Variants in CORIN observed in about 807,000 individuals in gnomAD.
CORIN encodes corin, serine peptidase.
In CORIN, 117 loss-of-function variants were observed where a neutral mutation model predicts 125.3. That is an observed-to-expected ratio of 0.93 (90% CI 0.80 to 1.09). CORIN has a LOEUF of 1.09. CORIN is among the 50% of genes least tolerant of loss of function. The pLI is 0.00. For missense variants in CORIN, 1,253 were observed against 1,306.7 expected (o/e 0.96, Z 0.63); for synonymous variants, 450 against 466.4 (o/e 0.96, Z 0.45).
At chr4:47,814,573 G>T (rs1274376112) in intron 1 of CORIN, among the ~76,000 whole-genome samples, 7 of 152,106 alleles carry the variant, frequency 4.6e-5, no homozygotes, top group Non-Finnish European at 1.0e-4. Flanking sequence ...TAATAATGTG[G>T]ATAGTTCTCA....
intron 17 of CORIN, among the ~76,000 whole-genome samples, chr4:47,624,879 G>GA (rs35400340): frequency 7.7e-4 from 114 of 147,974 alleles, no homozygotes; most frequent in African/African-American, 1.2e-3. Flanking sequence ...CTATCAGATT[G>GA]AAAAAAAAAA....
chr4:47,833,390 A>T (rs1000471319), intron 1 of CORIN, among the ~76,000 whole-genome samples: 1 of 152,156 alleles, frequency 6.6e-6, no homozygotes, highest in African/African-American at 2.4e-5. Context: ...CATGCACAAA[A>T]ATCAAGTTAA....
At chr4:47,596,351 G>C (rs1221857994) in intron 21 of CORIN, among the ~76,000 whole-genome samples, 1 of 152,130 alleles carries the variant, frequency 6.6e-6, no homozygotes, top group Non-Finnish European at 1.5e-5. Flanking sequence ...CTATTTTCAA[G>C]ATTCTTGCTT....
rs1213823256 is a variant in CORIN, at chr4:47,674,405, G to C, written c.1345C>G (p.Leu449Val). ...CTGTTGTACTTACTACAGTTATTCA[G>C]ACTGTTGTTCGGGTCACAGAGAGAG... is the stretch of plus-strand genomic sequence containing the variant. The part of the protein sequence containing the change: ...GSSLCDPNNS[L>V]NNCSQCEPIT... Residue 449 changes from leucine to valine, a missense_variant, in exon 10 of 22, where the codon CTG becomes GTG. Leu to Val is a conservative substitution (Grantham distance 32). Transcript: ENST00000273857. 1.2e-6 allele frequency: 2 copies of C among 1,609,660 alleles called. No homozygotes were observed. The highest frequency in any genetic ancestry group is 2.2e-5 in the South Asian group (2 of 90,972).
chr4:47,765,155 C>CA (rs2109874371), intron 3 of CORIN, among the ~76,000 whole-genome samples: 1 of 151,830 alleles, frequency 6.6e-6, no homozygotes, highest in South Asian at 2.1e-4. Context: ...ACTAAAAATA[C>CA]AAAAAATTAG....
At chr4:47,836,176 C>G (rs927449986) in intron 1 of CORIN, among the ~76,000 whole-genome samples, 3 of 152,134 alleles carry the variant, frequency 2.0e-5, no homozygotes, top group Non-Finnish European at 4.4e-5. Context: ...GACATCTCCT[C>G]TAACCTCGCA....
In CORIN at chr4:47,763,366, G is replaced by T; in HGVS notation, c.617+13C>A. On this transcript the variant is annotated intron_variant, in intron 4 of 21. Coordinates refer to ENST00000273857, the MANE Select transcript of CORIN (RefSeq NM_006587.4). ...CCAACTCTTATCACTGAATAATCTGGGTTCCGAAATACCTGTCATCGCCAT... is the reference window on the plus strand; with the variant it reads ...CCAACTCTTATCACTGAATAATCTGTGTTCCGAAATACCTGTCATCGCCAT... 1 of 1,604,000 alleles carries T rather than the reference G, an allele frequency of 6.2e-7. No individual in the cohort carries two copies. Among genetic ancestry groups the T allele is most frequent in the Non-Finnish European group, 8.5e-7 (1 of 1,172,644 alleles).
At chr4:47,719,885 T>C (rs1727270553) in intron 5 of CORIN, among the ~76,000 whole-genome samples, 1 of 152,226 alleles carries the variant, frequency 6.6e-6, no homozygotes, top group Admixed American at 6.5e-5. Flanking sequence ...ATATTCTATA[T>C]GCTATTTGGT....
chr4:47,773,440 A>G (rs112145580), intron 3 of CORIN, among the ~76,000 whole-genome samples: 23 of 152,324 alleles, frequency 1.5e-4, no homozygotes, highest in African/African-American at 5.5e-4. Flanking sequence ...TTCTAGGACT[A>G]ACAGGGCAGG....
At chr4:47,775,393 C>A (rs537766983) in intron 3 of CORIN, among the ~76,000 whole-genome samples, 4 of 152,038 alleles carry the variant, frequency 2.6e-5, no homozygotes, top group Non-Finnish European at 4.4e-5. Flanking sequence ...GACGGGCCCC[C>A]GTGTGTGATG....
chr4:47,816,360 G>A (rs1732268291), intron 1 of CORIN, among the ~76,000 whole-genome samples: 1 of 152,158 alleles, frequency 6.6e-6, no homozygotes, highest in Non-Finnish European at 1.5e-5. Context: ...GAGAAATTCT[G>A]TGTTGAGGTT....
intron 2 of CORIN, among the ~76,000 whole-genome samples, chr4:47,799,190 C>T (rs934074333): frequency 1.3e-5 from 2 of 151,126 alleles, no homozygotes; most frequent in African/African-American, 4.9e-5. Flanking sequence ...CTGATGGACA[C>T]CTAGGCTGAA....
intron 3 of CORIN, among the ~76,000 whole-genome samples, chr4:47,786,218 G>C (rs1246469421): frequency 6.6e-6 from 1 of 152,112 alleles, no homozygotes; most frequent in African/African-American, 2.4e-5. Context: ...GAACATCTGG[G>C]CTAATGGCAT....
rs547634999 is a variant in CORIN, at chr4:47,751,791, G to A, written c.618-7208C>T. Among the ~76,000 whole-genome samples, 130 of 152,184 alleles carry A rather than the reference G, an allele frequency of 8.5e-4. 2 individuals carry two copies. In the South Asian group the frequency reaches 8.9e-3, roughly 10 times the overall value. ...ACAGTAGTATGTTTTATTCATTTGC[G>A]TAACCCAGCATCTAGCAGTGTGCCT... On this transcript the variant is annotated intron_variant, in intron 4 of 21. Transcript: ENST00000273857.
chr4:47,820,466 G>A (rs898124040), intron 1 of CORIN, among the ~76,000 whole-genome samples: 6 of 151,942 alleles, frequency 3.9e-5, no homozygotes, highest in African/African-American at 1.5e-4. Flanking sequence ...CCCAAGGAAA[G>A]GACTAAAAAA....
chr4:47,634,454 T>C (rs11933636), intron 16 of CORIN, among the ~76,000 whole-genome samples: 39,742 of 151,842 alleles, frequency 0.26, 5,422 homozygotes, highest in Admixed American at 0.36. Context: ...ATCTACATGG[T>C]GAAACCCCAT....
At chr4:47,749,357 G>A (rs1405011831) in intron 4 of CORIN, among the ~76,000 whole-genome samples, 2 of 152,194 alleles carry the variant, frequency 1.3e-5, no homozygotes, top group Non-Finnish European at 2.9e-5. Flanking sequence ...GAAGCAACTT[G>A]TCATATTGAG....
intron 2 of CORIN, among the ~76,000 whole-genome samples, chr4:47,791,292 C>A (rs944012090): frequency 2.0e-5 from 3 of 152,022 alleles, no homozygotes; most frequent in Admixed American, 6.6e-5. Context: ...GAGCCACAAG[C>A]CAAGGAATGC....
intron 1 of CORIN, among the ~76,000 whole-genome samples, chr4:47,821,468 T>C (rs1390004819): frequency 1.3e-5 from 2 of 151,380 alleles, no homozygotes; most frequent in Non-Finnish European, 2.9e-5. Flanking sequence ...ATATTTTAAA[T>C]AATATGTTAA....
Sources: allele counts gnomAD v4.1 joint callset (sites outside exome capture counted in the v4.1 genomes callset), GRCh38; gene constraint gnomAD v4.1.1; transcripts MANE v1.5; gene names NCBI Gene and HGNC (gene_info 2026-07-23, HGNC 2026-07-21).